RGS11: variants seen among roughly 807,000 people sequenced by gnomAD.
The protein encoded by RGS11 is regulator of G-protein signaling 11.
A neutral mutation model predicts 71.1 loss-of-function variants in RGS11; 86 were observed. The observed-to-expected ratio is 1.21, with a 90% confidence interval of 1.02 to 1.45. The LOEUF is 1.45. Ranked by LOEUF, RGS11 falls within the 40% of genes most tolerant of loss-of-function variation. The pLI is 0.00. For synonymous variants in RGS11, 298 were observed against 254.2 expected (o/e 1.17, Z -1.64); for missense variants, 734 against 635.1 (o/e 1.16, Z -1.67).
intron 9 of RGS11, chr16:271,848 A>AT: frequency 3.8e-6 from 2 of 522,130 alleles, no homozygotes; most frequent in Admixed American, 3.4e-5. Flanking sequence ...TTTCTTTATT[A>AT]TTTTTTTGAG....
rs2052129865 is a variant in RGS11 at position 275,468 on chromosome 16, G to C, written c.94C>G (p.Pro32Ala). 6.3e-7 allele frequency: 1 copy of C among 1,589,190 alleles called. No individual in the cohort carries two copies. Among genetic ancestry groups the C allele is most frequent in the South Asian group, 1.1e-5 (1 of 90,018 alleles). Residue 32 changes from proline (P) to alanine (A), a missense_variant, in exon 2 of 17, where the codon CCC (proline) becomes GCC (alanine). Transcript: ENST00000397770. The stretch of plus-strand genomic sequence containing the variant: ...CTCCGCATCTTCACGCCCTGGTCGG[G>C]GTCCTGCATGCTCACGACCACCCGC... ...MERVVVSMQD[P>A]DQGVKMRSQR... is the part of the protein sequence containing the mutation.
At position 271,027 on chromosome 16, in the gene RGS11, CACG is replaced by C. The variant is rs560792000; in HGVS notation, c.933_935del (p.Val312del). ...GAAAGTCCATGAAGTGGGCCCGCCC[CACG>C]GGGTCCTCCAGGAGCTCCCGGAAGC... is the stretch of plus-strand genomic sequence containing the variant. On this transcript the variant is annotated inframe_deletion, in exon 13 of 17. Coordinates refer to ENST00000397770, the MANE Select transcript of RGS11 (RefSeq NM_183337.3). 1,133 of 1,612,468 alleles carry C rather than the reference CACG, an allele frequency of 7.0e-4. 14 individuals are homozygous for C. In the South Asian group the frequency reaches 0.011, roughly 16 times the overall value.
intron 1 of RGS11, 43 bp downstream of exon 1, chr16:275,806 G>A: frequency 2.3e-6 from 2 of 863,540 alleles, no homozygotes; most frequent in South Asian, 4.1e-5. Flanking sequence ...GGCCTCGGGC[G>A]CCGGGAAATC....
intron 9 of RGS11, 174 bp downstream of exon 9, chr16:272,689 C>A: frequency 1.4e-6 from 2 of 1,468,204 alleles, no homozygotes; most frequent in Non-Finnish European, 1.8e-6. Flanking sequence ...CGAGAGTTAG[C>A]AGGGGCCTGG....
In RGS11 at chr16:268,488, T is replaced by G; in HGVS notation, c.*781A>C. Reference sequence around the variant, plus strand: ...CAGTCTGGGGGACTGGTGAGGCACTTGGGGGATGGGGAGCAAGGCCAGCTC... The same window carrying G: ...CAGTCTGGGGGACTGGTGAGGCACTGGGGGGATGGGGAGCAAGGCCAGCTC... On this transcript the variant is annotated 3_prime_UTR_variant, in exon 17 of 17. Transcript: ENST00000397770. 7 of 492,724 alleles carry G rather than the reference T, an allele frequency of 1.4e-5. No homozygotes were observed. Among genetic ancestry groups the G allele is most frequent in the East Asian group, 7.4e-5 (2 of 27,098 alleles). 30.5% of individuals were successfully genotyped at this position (492,724 alleles called of 1,614,324 possible).
In RGS11 at chr16:274,035, G is replaced by GC; in HGVS notation, c.429+7_429+8insG. 2 of 1,548,400 alleles carry GC rather than the reference G, an allele frequency of 1.3e-6. No individual in the cohort carries two copies. Among genetic ancestry groups the GC allele is most frequent in the East Asian group, 2.4e-5 (1 of 40,918 alleles). ...CCCAGCCGGGGCGGGAAGGGTGGGGGGTCCCACCTTCTCATAATCCACCAG... is the reference window on the plus strand; with the variant it reads ...CCCAGCCGGGGCGGGAAGGGTGGGGGCGTCCCACCTTCTCATAATCCACCAG... On this transcript the variant is annotated splice_region_variant and intron_variant, in intron 6 of 16. Transcript: ENST00000397770.
chr16:275,207 G>T (rs1382222484), intron 3 of RGS11, 76 bp downstream of exon 3: 2 of 1,605,248 alleles, frequency 1.2e-6, no homozygotes, highest in South Asian at 1.1e-5. Context: ...TCTGAGAACT[G>T]CCAGACTCCA....
At chr16:271,944 C>G in intron 9 of RGS11, 1 of 311,238 alleles carries the variant, frequency 3.2e-6, no homozygotes. Flanking sequence ...TCAAGCTATT[C>G]TCCTGCCTCA....
In RGS11 at chr16:273,486, T is replaced by C. The variant is rs537751645; in HGVS notation, c.577A>G (p.Asn193Asp). The change falls in exon 8 of 17, where the codon AAC (asparagine) becomes GAC (aspartate). Residue 193 changes from asparagine to aspartate, a missense_variant. Coordinates refer to ENST00000397770, the MANE Select transcript of RGS11 (RefSeq NM_183337.3). The part of the protein sequence containing the change: ...ACQEQTYWLV[N>D]RPPPGAPDVL... ...GCAGGTGGGCTCACCGGGGGCCTGT[T>C]CACCAGCCAGTAGGTCTGCTCCTGG... 4.9e-5 allele frequency: 76 copies of C among 1,551,674 alleles called. No individual in the cohort carries two copies. The African/African-American group carries it at 8.6e-4, about 18-fold the overall frequency.
chr16:272,656 A>C, intron 9 of RGS11: 22 of 1,392,488 alleles, frequency 1.6e-5, no homozygotes, highest in East Asian at 3.0e-5. Context: ...CACCCAGGGC[A>C]GCAGGTGGGA....
chr16:275,795 C>T (rs549453600), intron 1 of RGS11, 54 bp downstream of exon 1: 70 of 691,896 alleles, frequency 1.0e-4, no homozygotes, highest in Non-Finnish European at 1.3e-4. Context: ...CGGCCCCTCC[C>T]GGCCTCGGGC....
rs372835270 is a variant in RGS11, at chr16:274,208, G to C, written c.370+6C>G. On this transcript the variant is annotated splice_donor_region_variant and intron_variant, in intron 5 of 16. Transcript: ENST00000397770. ...CTTGTCTGGGGCCAGCCGTCCCCTT[G>C]CTCACCATAGTCCAGCTCTGCAGCC... 1 of 1,609,266 alleles carries C rather than the reference G, an allele frequency of 6.2e-7. No homozygotes were observed. Among genetic ancestry groups the C allele is most frequent in the African/African-American group, 1.3e-5 (1 of 74,938 alleles).
At chr16:275,553 T>C in intron 1 of RGS11, 55 bp from the exon 2 acceptor site, 1 of 1,392,386 alleles carries the variant, frequency 7.2e-7, no homozygotes, top group South Asian at 1.2e-5. Context: ...CCTGATTCCC[T>C]GGCACCGGCC....
intron 15 of RGS11, chr16:269,858 T>A: frequency 2.5e-6 from 1 of 406,910 alleles, no homozygotes; most frequent in Non-Finnish European, 4.4e-6. Context: ...TCCTCAGCCA[T>A]TAGCGGGAAC....
rs1023889142 is a variant in RGS11 at position 272,908 on chromosome 16, C to T, written c.612G>A (p.Glu204=). 1 of 1,524,672 alleles carries T rather than the reference C, an allele frequency of 6.6e-7. No individual in the cohort carries two copies. The highest frequency in any genetic ancestry group is 2.5e-5 in the East Asian group (1 of 40,426). The allele number at this position is 1,524,672 out of a possible 1,614,324, so 94.4% of individuals were successfully genotyped here. A position where few individuals can be genotyped will look rare whatever the true frequency, so the allele number is the denominator to read the frequency against. Residue 204 remains glutamate, a synonymous_variant, in exon 9 of 17, where the codon GAG becomes GAA. Coordinates refer to ENST00000397770, the MANE Select transcript of RGS11 (RefSeq NM_183337.3). The stretch of plus-strand genomic sequence containing the variant: ...CGCAGGATCCCCGCCCTGGACCCTG[C>T]TCCAGCACATCGGGGGCCCCGGGCT... ...RPPPGAPDVL[E]QGPGRGSCAA... is the part of the protein sequence containing the mutation.
rs372090263 is a variant in RGS11, at chr16:275,159, A to G, written c.212-77T>C. 2.0e-4 allele frequency: 314 copies of G among 1,559,806 alleles called. 2 individuals are homozygous for G. The East Asian group carries it at 2.1e-3, about 10-fold the overall frequency. ...GGACGAGCCGGGCCTCCTCTCCCCTATGTGCTCCCCACCCTTGCACAGCGC... is the reference window on the plus strand; with the variant it reads ...GGACGAGCCGGGCCTCCTCTCCCCTGTGTGCTCCCCACCCTTGCACAGCGC... On this transcript the variant is annotated intron_variant, in intron 3 of 16. Transcript: ENST00000397770.
At chr16:272,822 T>C in intron 9 of RGS11, 41 bp downstream of exon 9, 3 of 1,538,708 alleles carry the variant, frequency 1.9e-6, no homozygotes, top group Non-Finnish European at 2.6e-6. Context: ...GCAGCCGGTG[T>C]GCAGGGTGAG....
intron 9 of RGS11, 49 bp downstream of exon 9, chr16:272,814 A>AG: frequency 6.5e-7 from 1 of 1,537,656 alleles, no homozygotes; most frequent in Non-Finnish European, 8.7e-7. Flanking sequence ...AGCAGGGTGC[A>AG]GCCGGTGTGC....
At position 269,023 on chromosome 16, in the gene RGS11, G is replaced by A; in HGVS notation, c.*246C>T. On this transcript the variant is annotated 3_prime_UTR_variant, in exon 17 of 17. Transcript: ENST00000397770. ...CTCTTCAGGTAACAGGCTCTGCCCTGACCCAAGCTGAGCCAATGAACCCCC... is the reference window on the plus strand; with the variant it reads ...CTCTTCAGGTAACAGGCTCTGCCCTAACCCAAGCTGAGCCAATGAACCCCC... 7.5e-7 allele frequency: 1 copy of A among 1,338,472 alleles called. No homozygotes were observed. The highest frequency in any genetic ancestry group is 1.0e-6 in the Non-Finnish European group (1 of 954,066). 82.9% of individuals were successfully genotyped at this position (1,338,472 alleles called of 1,614,324 possible).
Sources: gnomAD v4.1 joint callset for allele counts on GRCh38, gnomAD v4.1.1 for gene constraint, MANE v1.5 for transcripts, NCBI Gene and HGNC (gene_info 2026-07-23, HGNC 2026-07-21) for gene names.